The following CTNNA3 variants were observed in gnomAD, a reference collection of about 807,000 sequenced individuals.
The protein encoded by CTNNA3 is catenin alpha 3.
A neutral mutation model predicts 95.7 loss-of-function variants in CTNNA3; 76 were observed. That is an observed-to-expected ratio of 0.79 (90% CI 0.66 to 0.96). CTNNA3 has a LOEUF of 0.96. Among genes scored for constraint, CTNNA3 ranks in the 40% least tolerant of loss-of-function variants. The pLI is 0.00. For synonymous variants in CTNNA3, 431 were observed against 374.4 expected, an observed-to-expected ratio of 1.15 and a Z score of -1.74; for missense variants, 1,191 against 1,089.8, an observed-to-expected ratio of 1.09 and a Z score of -1.31.
intron 9 of CTNNA3, among the ~76,000 whole-genome samples, chr10:66,649,097 A>T (rs1481230926): frequency 6.6e-6 from 1 of 152,192 alleles, no homozygotes; most frequent in African/African-American, 2.4e-5. Context: ...GTGGCATAAT[A>T]GGTGCCAGAA....
chr10:66,485,660 A>G (rs371941397), intron 11 of CTNNA3, among the ~76,000 whole-genome samples: 87 of 152,300 alleles, frequency 5.7e-4, no homozygotes, highest in African/African-American at 2.1e-3. Context: ...TAAAATATCC[A>G]TACTACTCAA....
chr10:67,317,087 A>G (rs906620888), intron 5 of CTNNA3, among the ~76,000 whole-genome samples: 1 of 152,168 alleles, frequency 6.6e-6, no homozygotes, highest in Non-Finnish European at 1.5e-5. Flanking sequence ...TTTTCAGCAT[A>G]ATTTTCTTTT....
chr10:67,689,827 G>A lies in CTNNA3; in HGVS notation c.-6+6173C>T, dbSNP rs771187315. The stretch of plus-strand genomic sequence containing the variant: ...CCTGTGTCTTTAGTCCAGCGGCCGC[G>A]CTAGTTGCTTTTAGCTGACCGACAG... On this transcript the variant is annotated intron_variant, in intron 1 of 17. Transcript: ENST00000433211. 2.8e-4 allele frequency among the ~76,000 whole-genome samples: 43 copies of A among 152,112 alleles called. 1 individual carries two copies. Among genetic ancestry groups the A allele is most frequent in the Non-Finnish European group, 3.8e-4 (26 of 68,020 alleles).
chr10:66,198,810 G>A (rs988808665), intron 13 of CTNNA3, among the ~76,000 whole-genome samples: 1 of 152,072 alleles, frequency 6.6e-6, no homozygotes, highest in Non-Finnish European at 1.5e-5. Context: ...TCCTATGAGC[G>A]AACATTGTAA....
intron 5 of CTNNA3, among the ~76,000 whole-genome samples, chr10:67,286,030 A>G (rs1459746393): frequency 6.6e-6 from 1 of 152,196 alleles, no homozygotes; most frequent in Non-Finnish European, 1.5e-5. Context: ...GGCATTTTAA[A>G]ATTAATGGGC....
chr10:66,623,815 G>C (rs749979328), intron 9 of CTNNA3, among the ~76,000 whole-genome samples: 3 of 152,096 alleles, frequency 2.0e-5, no homozygotes, highest in African/African-American at 7.2e-5. Flanking sequence ...AAAAGTGTTA[G>C]AAATAAAATA....
chr10:66,364,075 AT>A (rs1246415876), intron 12 of CTNNA3, among the ~76,000 whole-genome samples: 2 of 151,970 alleles, frequency 1.3e-5, no homozygotes, highest in African/African-American at 4.8e-5. Flanking sequence ...ATCTACAAAT[AT>A]TATTTGCCTA....
At chr10:66,427,482 T>G (rs2093252745) in intron 11 of CTNNA3, among the ~76,000 whole-genome samples, 1 of 152,082 alleles carries the variant, frequency 6.6e-6, no homozygotes, top group Non-Finnish European at 1.5e-5. Context: ...CAGTAGGCAC[T>G]GAAGAAAGAT....
chr10:67,120,341 C>T (rs1220317470), intron 7 of CTNNA3, among the ~76,000 whole-genome samples: 1 of 151,874 alleles, frequency 6.6e-6, no homozygotes, highest in African/African-American at 2.4e-5. Flanking sequence ...AACTACATGG[C>T]ATTAGACTGT....
At chr10:66,421,272 C>A (rs920463156) in intron 11 of CTNNA3, among the ~76,000 whole-genome samples, 1 of 151,844 alleles carries the variant, frequency 6.6e-6, no homozygotes, top group African/African-American at 2.4e-5. Context: ...GGGTTGGTAG[C>A]GGAGGGTGAA....
At chr10:66,928,130 G>A (rs150432500) in intron 7 of CTNNA3, 52 of 1,613,818 alleles carry the variant, frequency 3.2e-5, no homozygotes, top group Non-Finnish European at 4.3e-5. Context: ...ACAGAGCCCG[G>A]CCCAGAGACC....
intron 9 of CTNNA3, among the ~76,000 whole-genome samples, chr10:66,685,781 T>C (rs531546343): frequency 1.3e-5 from 2 of 152,186 alleles, no homozygotes; most frequent in Non-Finnish European, 2.9e-5. Context: ...AATTAAAGTG[T>C]GGGGTCCTGG....
chr10:67,181,549 C>T (rs1450129386), intron 6 of CTNNA3, among the ~76,000 whole-genome samples: 2 of 152,094 alleles, frequency 1.3e-5, no homozygotes, highest in Non-Finnish European at 2.9e-5. Flanking sequence ...TGTGAATCTA[C>T]ACACAAACAC....
chr10:66,196,037 C>T (rs72795390), intron 13 of CTNNA3, among the ~76,000 whole-genome samples: 24,340 of 151,638 alleles, frequency 0.16, 2,330 homozygotes, highest in Middle Eastern at 0.22. Flanking sequence ...ATGCTTCAAA[C>T]GAGGAAATTA....
chr10:67,392,544 T>A (rs1335718569), intron 5 of CTNNA3, among the ~76,000 whole-genome samples: 1 of 152,172 alleles, frequency 6.6e-6, no homozygotes, highest in Non-Finnish European at 1.5e-5. Context: ...GACCCAGCCA[T>A]CCCATTACTG....
intron 9 of CTNNA3, among the ~76,000 whole-genome samples, chr10:66,701,731 T>A (rs1021610201): frequency 1.3e-5 from 2 of 152,158 alleles, no homozygotes; most frequent in African/African-American, 4.8e-5. Context: ...TGAGTTCTAG[T>A]AAGTAGTAGA....
intron 9 of CTNNA3, among the ~76,000 whole-genome samples, chr10:66,722,943 G>C (rs1848674374): frequency 6.6e-6 from 1 of 152,148 alleles, no homozygotes; most frequent in African/African-American, 2.4e-5. Flanking sequence ...TCCAATCACA[G>C]TGTGAGGCCC....
chr10:67,637,198 C>T (rs564913928), intron 2 of CTNNA3, among the ~76,000 whole-genome samples: 6 of 152,314 alleles, frequency 3.9e-5, no homozygotes, highest in East Asian at 3.9e-4. Flanking sequence ...AACCATGACA[C>T]TAGAACTACG....
At chr10:67,344,516 A>G (rs568998257) in intron 5 of CTNNA3, among the ~76,000 whole-genome samples, 3 of 152,134 alleles carry the variant, frequency 2.0e-5, no homozygotes, top group Admixed American at 2.0e-4. Context: ...TACAGCTTCA[A>G]TCTTGTCACT....
Sources: allele counts gnomAD v4.1 joint callset (sites outside exome capture counted in the v4.1 genomes callset), GRCh38; gene constraint gnomAD v4.1.1; transcripts MANE v1.5; gene names NCBI Gene and HGNC (gene_info 2026-07-23, HGNC 2026-07-21).